Variants in CADPS2 observed in about 807,000 individuals in gnomAD.
The protein encoded by CADPS2 is calcium-dependent secretion activator 2.
Under a neutral mutation model 172.5 loss-of-function variants are expected in CADPS2, and 93 were observed. That is an observed-to-expected ratio of 0.54 (90% confidence interval 0.46 to 0.64). The LOEUF (loss-of-function observed/expected upper bound fraction) is 0.64. CADPS2 is among the 30% of genes least tolerant of loss of function. The pLI is 0.00. For missense variants in CADPS2, 1,420 were observed against 1,565.9 expected (o/e 0.91, Z 1.57); for synonymous variants, 546 against 555.2 (o/e 0.98, Z 0.23).
chr7:122,779,131 A>G (rs963051525), intron 1 of CADPS2, among the ~76,000 whole-genome samples: 16 of 152,180 alleles, frequency 1.1e-4, no homozygotes, highest in African/African-American at 3.4e-4. Context: ...CTCCCCAGCC[A>G]TGTGGAACTG....
chr7:122,881,281 G>A (rs770450267), intron 1 of CADPS2, among the ~76,000 whole-genome samples: 10 of 152,074 alleles, frequency 6.6e-5, no homozygotes, highest in Non-Finnish European at 1.2e-4. Context: ...TATCAAAATC[G>A]CAGCTGATTT....
At chr7:122,548,227 G>C (rs565437344) in intron 8 of CADPS2, among the ~76,000 whole-genome samples, 99 of 152,054 alleles carry the variant, frequency 6.5e-4, no homozygotes, top group African/African-American at 2.3e-3. Flanking sequence ...AAAAAAACTA[G>C]TCAGGTATGG....
At chr7:122,709,201 T>C (rs2088202954) in intron 2 of CADPS2, among the ~76,000 whole-genome samples, 1 of 152,048 alleles carries the variant, frequency 6.6e-6, no homozygotes, top group Middle Eastern at 3.2e-3. Flanking sequence ...CATTTCAAGA[T>C]TGTCCTAAAG....
intron 7 of CADPS2, among the ~76,000 whole-genome samples, chr7:122,574,043 A>G (rs1052981398): frequency 1.3e-5 from 2 of 152,146 alleles, no homozygotes; most frequent in African/African-American, 4.8e-5. Flanking sequence ...TTTACTATGT[A>G]AGTTTGTTGG....
At chr7:122,706,899 T>G (rs2087652922) in intron 2 of CADPS2, among the ~76,000 whole-genome samples, 1 of 151,232 alleles carries the variant, frequency 6.6e-6, no homozygotes, top group Middle Eastern at 3.4e-3. Flanking sequence ...TGGCTAGAAT[T>G]GCTTCACAAA....
intron 2 of CADPS2, among the ~76,000 whole-genome samples, chr7:122,665,610 TAA>T (rs2081109233): frequency 6.6e-6 from 1 of 152,238 alleles, no homozygotes; most frequent in South Asian, 2.1e-4. Flanking sequence ...TACTTTATGA[TAA>T]AGTGTTGAAC....
At chr7:122,325,707 T>C in intron 28 of CADPS2, 126 bp from the exon 29 acceptor site, 1 of 607,606 alleles carries the variant, frequency 1.6e-6, no homozygotes, top group Non-Finnish European at 3.0e-6. Context: ...AGATCAGCAC[T>C]TGAAGTCAAT....
chr7:122,577,605 A>C (rs1394253170), intron 7 of CADPS2, among the ~76,000 whole-genome samples: 1 of 152,186 alleles, frequency 6.6e-6, no homozygotes, highest in Non-Finnish European at 1.5e-5. Flanking sequence ...ATTAAGAATA[A>C]AGCTGTTTAA....
intron 29 of CADPS2, among the ~76,000 whole-genome samples, chr7:122,322,154 A>G (rs2032697027): frequency 6.6e-6 from 1 of 152,182 alleles, no homozygotes; most frequent in African/African-American, 2.4e-5. Context: ...GTCAAACATA[A>G]AGTATTCACC....
chr7:122,567,846 A>G (rs1227211397), intron 7 of CADPS2, among the ~76,000 whole-genome samples: 2 of 152,160 alleles, frequency 1.3e-5, no homozygotes, highest in African/African-American at 2.4e-5. Flanking sequence ...AATCTTAAAG[A>G]ACATTCAACC....
intron 6 of CADPS2, among the ~76,000 whole-genome samples, chr7:122,612,289 TA>T (rs1647162648): frequency 6.6e-6 from 1 of 151,966 alleles, no homozygotes; most frequent in African/African-American, 2.4e-5. Context: ...GTCTTGTACA[TA>T]GAAAAGTCTA....
intron 14 of CADPS2, among the ~76,000 whole-genome samples, chr7:122,469,732 C>T (rs2055652914): frequency 1.3e-5 from 2 of 152,010 alleles, no homozygotes; most frequent in Non-Finnish European, 2.9e-5. Flanking sequence ...AAATGTAACA[C>T]ACTGTTTTAG....
chr7:122,797,291 A>G (rs1457416697), intron 1 of CADPS2, among the ~76,000 whole-genome samples: 2 of 152,158 alleles, frequency 1.3e-5, no homozygotes. Flanking sequence ...CAGTGTGGCA[A>G]TTTCTCAATG....
At chr7:122,386,345 G>C in intron 24 of CADPS2, 1 of 1,326,804 alleles carries the variant, frequency 7.5e-7, no homozygotes, top group South Asian at 1.9e-5. Flanking sequence ...AAAAGATGAT[G>C]AAAGAGAACA....
At chr7:122,781,373 G>C (rs554860517) in intron 1 of CADPS2, among the ~76,000 whole-genome samples, 1 of 152,152 alleles carries the variant, frequency 6.6e-6, no homozygotes, top group East Asian at 1.9e-4. Context: ...CCATTCAAAA[G>C]ACTTATTTGA....
At chr7:122,394,881 G>T (rs1008168745) in intron 20 of CADPS2, among the ~76,000 whole-genome samples, 4 of 152,152 alleles carry the variant, frequency 2.6e-5, no homozygotes, top group African/African-American at 9.7e-5. Context: ...AGAGAAAAAG[G>T]TTAATACTCA....
At chr7:122,455,499 T>A (rs1019326285) in intron 14 of CADPS2, among the ~76,000 whole-genome samples, 2 of 151,992 alleles carry the variant, frequency 1.3e-5, no homozygotes, top group African/African-American at 4.8e-5. Context: ...TTGGTTACTG[T>A]TTGCTTCCTT....
At chr7:122,859,727 G>A (rs1816405662) in intron 1 of CADPS2, among the ~76,000 whole-genome samples, 1 of 152,006 alleles carries the variant, frequency 6.6e-6, no homozygotes, top group Non-Finnish European at 1.5e-5. Flanking sequence ...TTTACATACG[G>A]TATTCTCCTG....
chr7:122,582,433 T>A (rs891953793), intron 6 of CADPS2, among the ~76,000 whole-genome samples: 1 of 152,048 alleles, frequency 6.6e-6, no homozygotes, highest in Non-Finnish European at 1.5e-5. Flanking sequence ...GCAGTCTTTT[T>A]TTTTGAAATA....
Sources: allele counts gnomAD v4.1 joint callset (sites outside exome capture counted in the v4.1 genomes callset), GRCh38; gene constraint gnomAD v4.1.1; transcripts MANE v1.5; gene names NCBI Gene and HGNC (gene_info 2026-07-23, HGNC 2026-07-21).